RP1: variants seen among roughly 807,000 people sequenced by gnomAD.
RP1 encodes oxygen-regulated protein 1.
A neutral mutation model predicts 14.8 loss-of-function variants in RP1; 16 were observed. That is an observed-to-expected ratio of 1.08 (90% CI 0.73 to 1.65). The LOEUF (loss-of-function observed/expected upper bound fraction) is 1.65, where lower values mean the gene tolerates loss of function less well. Ranked by LOEUF, RP1 falls within the 40% of genes most tolerant of loss-of-function variation. The pLI is 0.00. For synonymous variants in RP1, 876 were observed against 883.6 expected, an observed-to-expected ratio of 0.99 and a Z score of 0.15; for missense variants, 2,631 against 2,535.0, an observed-to-expected ratio of 1.04 and a Z score of -0.81.
intron 24 of RP1, among the ~76,000 whole-genome samples, chr8:54,809,349 T>G (rs1024802028): frequency 6.6e-6 from 1 of 152,212 alleles, no homozygotes; most frequent in African/African-American, 2.4e-5. Context: ...GGGAGTTATG[T>G]ATATGCTTCC....
chr8:54,758,566 A>G (rs1244931777), intron 21 of RP1, among the ~76,000 whole-genome samples: 2 of 152,142 alleles, frequency 1.3e-5, no homozygotes, highest in African/African-American at 4.8e-5. Context: ...TGTGCTGTAC[A>G]TTAGCTGCGT....
chr8:54,755,996 T>C (rs1296386285), intron 21 of RP1, among the ~76,000 whole-genome samples: 1 of 152,064 alleles, frequency 6.6e-6, no homozygotes, highest in Non-Finnish European at 1.5e-5. Flanking sequence ...AAAGAAAAGA[T>C]ATTAAAAATT....
intron 28 of RP1, chr8:54,869,729 A>G: frequency 4.9e-6 from 2 of 406,190 alleles, no homozygotes; most frequent in Non-Finnish European, 8.5e-6. Flanking sequence ...TAAAATTCTG[A>G]TCTCTCTAAA....
intron 6 of RP1, among the ~76,000 whole-genome samples, chr8:54,658,336 G>C (rs529182769): frequency 6.7e-6 from 1 of 149,664 alleles, no homozygotes; most frequent in Admixed American, 6.6e-5. Flanking sequence ...CGGATCACGA[G>C]GTCAGGAGAT....
chr8:54,856,430 G>A (rs551297022), intron 26 of RP1, among the ~76,000 whole-genome samples: 29 of 152,226 alleles, frequency 1.9e-4, no homozygotes, highest in African/African-American at 5.3e-4. Context: ...CGTCCTATGC[G>A]TGTGTATGTA....
At chr8:54,679,412 T>G (rs1290055984) in intron 9 of RP1, 1 of 1,535,318 alleles carries the variant, frequency 6.5e-7, no homozygotes, top group Non-Finnish European at 8.7e-7. Flanking sequence ...ACACTTTTCT[T>G]TTCACAGATG....
At chr8:54,567,037 C>T (rs1327762400) in intron 1 of RP1, among the ~76,000 whole-genome samples, 1 of 152,160 alleles carries the variant, frequency 6.6e-6, no homozygotes, top group East Asian at 1.9e-4. Flanking sequence ...ACTTGCAAGT[C>T]CTGGCTGCAG....
intron 24 of RP1, among the ~76,000 whole-genome samples, chr8:54,807,846 G>C (rs1282622701): frequency 6.6e-6 from 1 of 152,046 alleles, no homozygotes; most frequent in African/African-American, 2.4e-5. Context: ...GCCATCTGCT[G>C]GTAGAATTAC....
chr8:54,759,179 T>C lies in RP1; in HGVS notation c.3248+103T>C. 4 of 1,196,386 alleles carry C rather than the reference T, an allele frequency of 3.3e-6. No individual in the cohort carries two copies. In the South Asian group the frequency reaches 6.4e-5, roughly 19 times the overall value. The allele number at this position is 1,196,386 out of a possible 1,614,324, so 74.1% of individuals were successfully genotyped here. ...GTGTGTGTGTGTGTGTGTGTGTATC[T>C]TTTAGGTCACGGATTTGTTTCATTA... On this transcript the variant is annotated intron_variant, in intron 22 of 22. Coordinates refer to the RP1 transcript ENST00000636932.
At chr8:54,641,820 T>G (rs1182083989) in intron 3 of RP1, among the ~76,000 whole-genome samples, 1 of 152,200 alleles carries the variant, frequency 6.6e-6, no homozygotes, top group Non-Finnish European at 1.5e-5. Context: ...CTAAAGGCCA[T>G]GTGAGGAATG....
At chr8:54,710,850 T>C (rs1386806475) in intron 15 of RP1, among the ~76,000 whole-genome samples, 1 of 151,950 alleles carries the variant, frequency 6.6e-6, no homozygotes, top group Non-Finnish European at 1.5e-5. Context: ...AGGCCATAGG[T>C]AGTTTTGGAA....
rs1034223201 is a variant in RP1, at chr8:54,695,824, C to T, written c.1718-3643C>T. 4.6e-5 allele frequency among the ~76,000 whole-genome samples: 7 copies of T among 152,082 alleles called. 1 individual carries two copies. Among genetic ancestry groups the T allele is most frequent in the Admixed American group, 3.3e-4 (5 of 15,242 alleles). On this transcript the variant is annotated intron_variant, in intron 12 of 22. Coordinates refer to the RP1 transcript ENST00000636932. The stretch of plus-strand genomic sequence containing the variant: ...TCCTTATTTCAATAACACCCTAACC[C>T]CCAGGATCATCTGTAAGTGCTTGTC...
chr8:54,839,435 A>G (rs980078189), intron 25 of RP1, among the ~76,000 whole-genome samples: 2 of 152,188 alleles, frequency 1.3e-5, no homozygotes, highest in East Asian at 3.9e-4. Flanking sequence ...CACCAGAGGA[A>G]ATCCTGATGA....
At position 54,711,688 on chromosome 8, in the gene RP1, T is replaced by C. The variant is rs145146080; in HGVS notation, c.2211+5033T>C. Among the ~76,000 whole-genome samples the C allele has an allele frequency of 2.0e-4, 30 of 152,356 alleles. 2 individuals are homozygous for C. In the East Asian group the frequency reaches 5.6e-3, roughly 28 times the overall value. On this transcript the variant is annotated intron_variant, in intron 15 of 22. Coordinates refer to the RP1 transcript ENST00000636932. ...AAACTGACCCATGTAAATGATCTTA[T>C]GACTCCTTTTGTGTAGTTATTAAAA...
At chr8:54,631,872 G>A (rs886176988), downstream of RP1, among the ~76,000 whole-genome samples, 3 of 150,628 alleles carry the variant, frequency 2.0e-5, no homozygotes, top group East Asian at 2.0e-4. Context: ...ACAGAGTTTC[G>A]CTCTTGTTGC....
At chr8:54,585,897 T>C (rs1293112771) in intron 1 of RP1, among the ~76,000 whole-genome samples, 1 of 152,130 alleles carries the variant, frequency 6.6e-6, no homozygotes, top group Non-Finnish European at 1.5e-5. Flanking sequence ...TAGCCATTCG[T>C]CTAATTTATT....
At chr8:54,648,962 G>A in intron 3 of RP1, 2 of 1,476,692 alleles carry the variant, frequency 1.4e-6, no homozygotes, top group African/African-American at 2.8e-5. Flanking sequence ...CCATAATGCT[G>A]TATGTTATTT....
At chr8:54,652,869 A>G in intron 5 of RP1, 37 of 1,528,692 alleles carry the variant, frequency 2.4e-5, no homozygotes, top group Non-Finnish European at 3.2e-5. Flanking sequence ...GCAAGGAGGT[A>G]AGGATATATC....
chr8:54,608,967 A>T (rs747221961), intron 1 of RP1, among the ~76,000 whole-genome samples: 3 of 152,144 alleles, frequency 2.0e-5, no homozygotes, highest in Non-Finnish European at 4.4e-5. Context: ...GGAGGACTTT[A>T]TGTTGCAGAC....
Sources: gnomAD v4.1 joint callset for allele counts (sites outside exome capture counted in the v4.1 genomes callset) on GRCh38, gnomAD v4.1.1 for gene constraint, MANE v1.5 for transcripts, NCBI Gene and HGNC (gene_info 2026-07-23, HGNC 2026-07-21) for gene names.